FGF14: variants seen among roughly 807,000 people sequenced by gnomAD.
FGF14 encodes the protein fibroblast growth factor homologous factor 4.
Under a neutral mutation model 25.5 loss-of-function variants are expected in FGF14, and 5 were observed. That is an observed-to-expected ratio of 0.20 (90% CI 0.10 to 0.41). The LOEUF is 0.41. Among genes scored for constraint, FGF14 ranks in the 10% least tolerant of loss-of-function variants. FGF14 has a pLI of 1.00. For missense variants in FGF14, 222 were observed against 320.1 expected, an observed-to-expected ratio of 0.69 and a Z score of 2.34; for synonymous variants, 138 against 118.3, an observed-to-expected ratio of 1.17 and a Z score of -1.08.
chr13:102,274,700 A>G lies in FGF14; in HGVS notation c.208+126771T>C, dbSNP rs1002367340. Among the ~76,000 whole-genome samples the G allele has an allele frequency of 2.6e-5, 4 of 152,188 alleles. 1 individual carries two copies. ...GGTTCAAACCCACACATACACACAT[A>G]CACATACATACTAAAAGAAGCCATT... is the stretch of plus-strand genomic sequence containing the variant. On this transcript the variant is annotated intron_variant, in intron 1 of 4. Coordinates refer to the FGF14 transcript ENST00000376131.
intron 1 of FGF14, among the ~76,000 whole-genome samples, chr13:102,219,416 C>G (rs2050513935): frequency 6.6e-6 from 1 of 152,108 alleles, no homozygotes; most frequent in African/African-American, 2.4e-5. Flanking sequence ...TCAACCCCTG[C>G]TCCCTAGATT....
Position 101,870,162 on chromosome 13 carries a change from G to GT in FGF14, c.305-1335dup, listed in dbSNP as rs1026849026. On this transcript the variant is annotated intron_variant, in intron 2 of 4. Coordinates refer to ENST00000376143, the MANE Select transcript of FGF14 (RefSeq NM_004115.4). ...TTATGTTATTCTTATGAAAGAATTA[G>GT]TTTTTTTTCCTCATTTCCATTATTT... Among the ~76,000 whole-genome samples, 69 of 151,830 alleles carry GT rather than the reference G, an allele frequency of 4.5e-4. No individual in the cohort carries two copies. In the Middle Eastern group the frequency reaches 0.01, roughly 22 times the overall value.
intron 1 of FGF14, among the ~76,000 whole-genome samples, chr13:102,256,925 A>T (rs891452582): frequency 6.6e-6 from 1 of 152,244 alleles, no homozygotes; most frequent in African/African-American, 2.4e-5. Flanking sequence ...TGAAAAAATA[A>T]ATCATATTTT....
chr13:102,005,221 A>G (rs2039717069), intron 1 of FGF14, among the ~76,000 whole-genome samples: 1 of 152,228 alleles, frequency 6.6e-6, no homozygotes, highest in Admixed American at 6.5e-5. Flanking sequence ...ACTCCTTTTT[A>G]GTTATCATAT....
intron 1 of FGF14, among the ~76,000 whole-genome samples, chr13:102,137,883 G>C (rs941349705): frequency 1.3e-5 from 2 of 150,574 alleles, no homozygotes; most frequent in African/African-American, 4.9e-5. Flanking sequence ...GATAAAACAT[G>C]GTGACACAGG....
At chr13:101,833,144 T>TA (rs1363328368) in intron 3 of FGF14, among the ~76,000 whole-genome samples, 2 of 151,960 alleles carry the variant, frequency 1.3e-5, no homozygotes, top group Admixed American at 6.6e-5. Flanking sequence ...AGGTAGGGTC[T>TA]CTCCATGCAG....
chr13:102,177,334 C>A (rs2048490107), intron 1 of FGF14, among the ~76,000 whole-genome samples: 1 of 152,148 alleles, frequency 6.6e-6, no homozygotes, highest in Admixed American at 6.5e-5. Context: ...TGCTAGGAAC[C>A]AAGCTAAATT....
intron 3 of FGF14, among the ~76,000 whole-genome samples, chr13:101,774,054 G>A (rs1420198016): frequency 6.6e-6 from 1 of 151,898 alleles, no homozygotes; most frequent in Non-Finnish European, 1.5e-5. Flanking sequence ...CTACAGTTGT[G>A]AAAGTGTTTT....
chr13:101,801,027 G>A (rs185546600), intron 3 of FGF14, among the ~76,000 whole-genome samples: 5 of 152,284 alleles, frequency 3.3e-5, no homozygotes, highest in Admixed American at 2.6e-4. Context: ...AAAACTGGGT[G>A]CCCGCAAGCA....
intron 1 of FGF14, among the ~76,000 whole-genome samples, chr13:101,932,101 T>C (rs1211247152): frequency 6.6e-6 from 1 of 152,250 alleles, no homozygotes; most frequent in Non-Finnish European, 1.5e-5. Context: ...ATTTCTTTCA[T>C]ATGCTGACCT....
At chr13:102,093,648 G>T (rs2140253892) in intron 1 of FGF14, among the ~76,000 whole-genome samples, 1 of 152,090 alleles carries the variant, frequency 6.6e-6, no homozygotes, top group South Asian at 2.1e-4. Context: ...TAACATATGA[G>T]ACCCATACAA....
chr13:101,996,114 C>A (rs1425877247), intron 1 of FGF14, among the ~76,000 whole-genome samples: 2 of 151,404 alleles, frequency 1.3e-5, no homozygotes, highest in African/African-American at 4.9e-5. Context: ...TCTCATATAC[C>A]CCATAAATAT....
intron 3 of FGF14, among the ~76,000 whole-genome samples, chr13:101,745,814 T>A (rs1284723916): frequency 1.3e-5 from 2 of 151,962 alleles, no homozygotes; most frequent in Non-Finnish European, 2.9e-5. Flanking sequence ...GTGGGTTTCA[T>A]GGTGAGAACC....
chr13:102,004,188 C>G (rs1382329243), intron 1 of FGF14, among the ~76,000 whole-genome samples: 1 of 152,124 alleles, frequency 6.6e-6, no homozygotes, highest in Non-Finnish European at 1.5e-5. Flanking sequence ...TATACGGTGA[C>G]TTTAGGAGAG....
intron 1 of FGF14, among the ~76,000 whole-genome samples, chr13:102,389,136 C>T (rs867557002): frequency 3.3e-5 from 5 of 152,042 alleles, no homozygotes; most frequent in South Asian, 2.1e-4. Flanking sequence ...CTTTCATCCT[C>T]GATGAGTTTT....
chr13:102,343,403 C>T (rs2057012228), intron 1 of FGF14, among the ~76,000 whole-genome samples: 1 of 152,156 alleles, frequency 6.6e-6, no homozygotes, highest in Non-Finnish European at 1.5e-5. Flanking sequence ...GAATTCTAGG[C>T]ACTGTGAGCT....
At chr13:101,832,132 G>A (rs193285540) in intron 3 of FGF14, among the ~76,000 whole-genome samples, 10 of 152,140 alleles carry the variant, frequency 6.6e-5, no homozygotes, top group East Asian at 3.9e-4. Flanking sequence ...AGGGAGATCC[G>A]ATATACGCAG....
rs1465827478 is a variant in FGF14 at position 102,014,593 on chromosome 13, T to TCAA, written c.209-139300_209-139298dup. ...CATTCAATTAAATCAAGAGTTACAT[T>TCAA]CAACTTTTTCCTCAGTCCACAATAG... On this transcript the variant is annotated intron_variant, in intron 1 of 4. Transcript: ENST00000376131. 7.2e-5 allele frequency among the ~76,000 whole-genome samples: 11 copies of TCAA among 152,118 alleles called. No individual in the cohort carries two copies. The East Asian group carries it at 2.1e-3, about 29-fold the overall frequency.
chr13:102,070,956 AACACAC>A (rs56002219), intron 1 of FGF14, among the ~76,000 whole-genome samples: 70,192 of 148,738 alleles, frequency 0.47, 17,661 homozygotes, highest in East Asian at 0.69. Flanking sequence ...AACAAAACAA[AACACAC>A]ACACACACAC....
Sources: allele counts gnomAD v4.1 joint callset (sites outside exome capture counted in the v4.1 genomes callset), GRCh38; gene constraint gnomAD v4.1.1; transcripts MANE v1.5; gene names NCBI Gene and HGNC (gene_info 2026-07-23, HGNC 2026-07-21).